SERPINE3: variants seen among roughly 807,000 people sequenced by gnomAD.
SERPINE3 encodes serpin E3.
Under a neutral mutation model 41.7 loss-of-function variants are expected in SERPINE3, and 43 were observed. The ratio of observed to expected loss-of-function variants is 1.03; its 90% CI spans 0.81 to 1.33. SERPINE3 has a LOEUF of 1.33. Ranked by LOEUF, SERPINE3 falls within the 40% of genes most tolerant of loss-of-function variation. The pLI, the probability that SERPINE3 is intolerant of heterozygous loss-of-function variation, is 0.00. For missense variants in SERPINE3, 440 were observed against 491.7 expected (o/e 0.89, Z 0.99); for synonymous variants, 200 against 192.2 (o/e 1.04, Z -0.34).
intron 4 of SERPINE3, among the ~76,000 whole-genome samples, chr13:51,345,592 C>CAAAAAAAAAAAA (rs753888958): frequency 2.7e-5 from 1 of 37,018 alleles, no homozygotes; most frequent in Non-Finnish European, 5.6e-5. Context: ...GATTTCATCT[C>CAAAAAAAAAAAA]AAAAAAAAAA....
In SERPINE3 at chr13:51,364,630, T is replaced by C. The variant is rs1955651122; in HGVS notation, c.*348T>C. The C allele has an allele frequency of 1.1e-5, 2 of 182,442 alleles. No homozygotes were observed. Among genetic ancestry groups the C allele is most frequent in the South Asian group, 1.9e-4 (1 of 5,276 alleles). The allele number at this position is 182,442 out of a possible 1,614,324, so 11.3% of individuals were successfully genotyped here. A position where few individuals can be genotyped will look rare whatever the true frequency, so the allele number is the denominator to read the frequency against. On this transcript the variant is annotated 3_prime_UTR_variant, in exon 10 of 10. Coordinates refer to ENST00000681248, the MANE Select transcript of SERPINE3 (RefSeq NM_001386375.1). Reference sequence around the variant, plus strand: ...AGGGTGGAGAATGAATAGCGTGGTTTTCCTTATCCTGTGAAACTCAGGGGG... The same window carrying C: ...AGGGTGGAGAATGAATAGCGTGGTTCTCCTTATCCTGTGAAACTCAGGGGG...
chr13:51,360,006 G>A (rs915935198), intron 7 of SERPINE3, among the ~76,000 whole-genome samples: 1 of 151,998 alleles, frequency 6.6e-6, no homozygotes, highest in African/African-American at 2.4e-5. Flanking sequence ...CTTCACTGAT[G>A]CTGGAAAATA....
At position 51,364,309 on chromosome 13, in the gene SERPINE3, C is replaced by G; in HGVS notation, c.*27C>G. Reference sequence around the variant, plus strand: ...TGCATGTTCTCCACTTTCATCAATGCTTTTCTTCATAAAGTTATAATTTCA... The same window carrying G: ...TGCATGTTCTCCACTTTCATCAATGGTTTTCTTCATAAAGTTATAATTTCA... On this transcript the variant is annotated 3_prime_UTR_variant, in exon 10 of 10. Transcript: ENST00000681248. 2 of 1,335,808 alleles carry G rather than the reference C, an allele frequency of 1.5e-6. No homozygotes were observed. Among genetic ancestry groups the G allele is most frequent in the Non-Finnish European group, 2.0e-6 (2 of 981,126 alleles). The allele number at this position is 1,335,808 out of a possible 1,614,324, so 82.7% of individuals were successfully genotyped here. A position where few individuals can be genotyped will look rare whatever the true frequency, so the allele number is the denominator to read the frequency against.
At chr13:51,353,093 T>C (rs1955424494) in intron 6 of SERPINE3, among the ~76,000 whole-genome samples, 1 of 152,174 alleles carries the variant, frequency 6.6e-6, no homozygotes, top group Non-Finnish European at 1.5e-5. Context: ...TGGTAAAGGG[T>C]ATTTTTTTAC....
Position 51,364,258 on chromosome 13 carries a change from G to A in SERPINE3, c.1191G>A (p.Gly397=). 1 of 1,476,152 alleles carries A rather than the reference G, an allele frequency of 6.8e-7. No homozygotes were observed. The highest frequency in any genetic ancestry group is 9.1e-7 in the Non-Finnish European group (1 of 1,099,306). 91.4% of individuals were successfully genotyped at this position (1,476,152 alleles called of 1,614,324 possible). A position where few individuals can be genotyped will look rare whatever the true frequency, so the allele number is the denominator to read the frequency against. ...EPNTGFVFSI[G]RVSNPLD ...TGACAGGGTTTGTCTTCAGTATTGGGAGAGTTTCAAATCCCCTAGACTAAA... is the reference window on the plus strand; with the variant it reads ...TGACAGGGTTTGTCTTCAGTATTGGAAGAGTTTCAAATCCCCTAGACTAAA... The change falls in exon 10 of 10, where the codon GGG becomes GGA. Residue 397 remains glycine (G), a synonymous_variant. Transcript: ENST00000681248.
intron 7 of SERPINE3, among the ~76,000 whole-genome samples, chr13:51,358,447 AC>A (rs1593648422): frequency 6.6e-6 from 1 of 152,312 alleles, no homozygotes; most frequent in East Asian, 1.9e-4. Flanking sequence ...GTGTCCACCA[AC>A]AAAGCACTGA....
Position 51,343,005 on chromosome 13 carries a change from C to T in SERPINE3, c.257-1247C>T, listed in dbSNP as rs74539533. Among the ~76,000 whole-genome samples the T allele has an allele frequency of 1.8e-3, 276 of 152,240 alleles. 1 individual carries two copies. In the Middle Eastern group the frequency reaches 0.02, roughly 11 times the overall value. On this transcript the variant is annotated intron_variant, in intron 3 of 9. Transcript: ENST00000681248. ...CAAGTGATGTCTGCCTACTATTGTC[C>T]TCTGCAGCCTCGTTTGGCTGGGGAC...
intron 7 of SERPINE3, 22 bp from the exon 8 acceptor site, chr13:51,361,256 T>C: frequency 6.5e-7 from 1 of 1,535,974 alleles, no homozygotes; most frequent in Non-Finnish European, 9.0e-7. Flanking sequence ...CAACTCACAT[T>C]TTTATCATTT....
intron 7 of SERPINE3, among the ~76,000 whole-genome samples, chr13:51,359,715 A>G (rs1955533158): frequency 6.6e-6 from 1 of 152,104 alleles, no homozygotes; most frequent in South Asian, 2.1e-4. Flanking sequence ...TTCAGACACC[A>G]TCCTATATAG....
chr13:51,347,339 C>A, intron 5 of SERPINE3, 105 bp downstream of exon 5: 4 of 966,114 alleles, frequency 4.1e-6, no homozygotes, highest in Non-Finnish European at 6.4e-6. Context: ...GGATGTGTTT[C>A]CGCAGGGTCC....
In SERPINE3 at chr13:51,350,471, T is replaced by A. The variant is rs184994647; in HGVS notation, c.899+2060T>A. 8.2e-4 allele frequency among the ~76,000 whole-genome samples: 125 copies of A among 152,264 alleles called. 2 individuals are homozygous for A. Among genetic ancestry groups the A allele is most frequent in the Non-Finnish European group, 1.2e-3 (83 of 68,008 alleles). ...AAAACATTTGATTATTAGGTCAACA[T>A]AGAAGGCTGAGCATGAGCATGTTTT... On this transcript the variant is annotated intron_variant, in intron 6 of 9. Coordinates refer to ENST00000681248, the MANE Select transcript of SERPINE3 (RefSeq NM_001386375.1).
At chr13:51,352,962 ATGGTGAGATTTATATGGTAT>A (rs1955422146) in intron 6 of SERPINE3, among the ~76,000 whole-genome samples, 1 of 152,148 alleles carries the variant, frequency 6.6e-6, no homozygotes, top group African/African-American at 2.4e-5. Flanking sequence ...CCACTTTGTC[ATGGTGAGATTTATATGGTAT>A]TGGATTTAAT....
chr13:51,341,464 T>TA, intron 3 of SERPINE3, 117 bp downstream of exon 3: 2 of 1,012,896 alleles, frequency 2.0e-6, no homozygotes, highest in Non-Finnish European at 2.9e-6. Flanking sequence ...CTGCTGCTCA[T>TA]ACTCACACTC....
chr13:51,343,109 T>C (rs1355987322), intron 3 of SERPINE3, among the ~76,000 whole-genome samples: 1 of 152,180 alleles, frequency 6.6e-6, no homozygotes, highest in Non-Finnish European at 1.5e-5. Flanking sequence ...TGCTGCCTCC[T>C]GGCTTGGCTT....
rs1443147501 is a variant in SERPINE3, at chr13:51,364,234, G to T, written c.1172-5G>T. 2.1e-5 allele frequency: 30 copies of T among 1,420,324 alleles called. No homozygotes were observed. The highest frequency in any genetic ancestry group is 2.7e-5 in the Non-Finnish European group (28 of 1,056,466). The allele number at this position is 1,420,324 out of a possible 1,614,324, so 88.0% of individuals were successfully genotyped here. ...ATAATATTAAATTCTTCTTTTTCTT[G>T]ACAGGGTTTGTCTTCAGTATTGGGA... On this transcript the variant is annotated splice_region_variant and splice_polypyrimidine_tract_variant and intron_variant, in intron 9 of 9. Coordinates refer to ENST00000681248, the MANE Select transcript of SERPINE3 (RefSeq NM_001386375.1).
chr13:51,345,485 T>G (rs1271336146), intron 4 of SERPINE3, among the ~76,000 whole-genome samples: 2 of 150,292 alleles, frequency 1.3e-5, no homozygotes, highest in Non-Finnish European at 3.0e-5. Context: ...TCCCAGCTAC[T>G]CGGGGAGGCT....
In SERPINE3 at chr13:51,347,188, C is replaced by T. The variant is rs1955356021; in HGVS notation, c.654C>T (p.Leu218=). 5.0e-6 allele frequency: 8 copies of T among 1,613,970 alleles called. No individual in the cohort carries two copies. The highest frequency in any genetic ancestry group is 1.3e-5 in the African/African-American group (1 of 75,044). The change falls in exon 5 of 10, where the codon CTC becomes CTT. Residue 218 remains leucine (L), a synonymous_variant. Coordinates refer to ENST00000681248, the MANE Select transcript of SERPINE3 (RefSeq NM_001386375.1). ...TGCCTTTCACCTGTGCCTATGGCCTCGTCCTTCAGGTCCCCATGATGCACC... is the reference window on the plus strand; with the variant it reads ...TGCCTTTCACCTGTGCCTATGGCCTTGTCCTTCAGGTCCCCATGATGCACC... ...QILPFTCAYG[L]VLQVPMMHQT...
intron 6 of SERPINE3, among the ~76,000 whole-genome samples, chr13:51,350,794 G>T (rs1391422012): frequency 6.6e-6 from 1 of 151,966 alleles, no homozygotes; most frequent in Non-Finnish European, 1.5e-5. Context: ...GTCACTCCCA[G>T]CTCCCCTCCC....
chr13:51,349,490 A>G (rs758847168), intron 6 of SERPINE3, among the ~76,000 whole-genome samples: 1 of 152,244 alleles, frequency 6.6e-6, no homozygotes, highest in Non-Finnish European at 1.5e-5. Flanking sequence ...TCTTCCTATT[A>G]TATTTGAGAG....
Sources: allele counts gnomAD v4.1 joint callset (sites outside exome capture counted in the v4.1 genomes callset), GRCh38; gene constraint gnomAD v4.1.1; transcripts MANE v1.5; gene names NCBI Gene and HGNC (gene_info 2026-07-23, HGNC 2026-07-21).